Variants in APBB1IP observed in about 807,000 individuals in gnomAD.
The protein encoded by APBB1IP is amyloid beta precursor protein binding family B member 1 interacting protein.
Under a neutral mutation model 64.9 loss-of-function variants are expected in APBB1IP, and 27 were observed. The ratio of observed to expected loss-of-function variants is 0.42; its 90% confidence interval spans 0.31 to 0.57. The LOEUF (loss-of-function observed/expected upper bound fraction) is 0.57, where lower values mean the gene tolerates loss of function less well. Ranked by LOEUF, APBB1IP falls within the 20% of genes least tolerant of loss-of-function variation. The pLI, the probability that APBB1IP is intolerant of heterozygous loss-of-function variation, is 0.20. For synonymous variants in APBB1IP, 392 were observed against 331.0 expected, an observed-to-expected ratio of 1.18 and a Z score of -2.00; for missense variants, 812 against 845.5, an observed-to-expected ratio of 0.96 and a Z score of 0.49.
At chr10:26,482,220 G>T (rs189789783) in intron 2 of APBB1IP, among the ~76,000 whole-genome samples, 1 of 152,164 alleles carries the variant, frequency 6.6e-6, no homozygotes, top group African/African-American at 2.4e-5. Context: ...GGTTAAGTTG[G>T]CCCAAGAGGT....
chr10:26,442,569 A>T (rs1835349125), intron 2 of APBB1IP, among the ~76,000 whole-genome samples: 2 of 152,228 alleles, frequency 1.3e-5, no homozygotes, highest in Admixed American at 1.3e-4. Context: ...AGAGAGCTAC[A>T]TCACATCAAA....
At chr10:26,444,255 G>A (rs1417046507) in intron 2 of APBB1IP, among the ~76,000 whole-genome samples, 1 of 152,174 alleles carries the variant, frequency 6.6e-6, no homozygotes, top group Non-Finnish European at 1.5e-5. Flanking sequence ...GATGTGGTTG[G>A]AGAAGTATGA....
intron 11 of APBB1IP, among the ~76,000 whole-genome samples, chr10:26,557,986 C>A (rs1243833647): frequency 6.6e-6 from 1 of 152,088 alleles, no homozygotes; most frequent in East Asian, 1.9e-4. Context: ...TCCTTTCCTG[C>A]CAACTGAAGA....
At chr10:26,508,102 T>C (rs1836206342) in intron 6 of APBB1IP, among the ~76,000 whole-genome samples, 1 of 152,260 alleles carries the variant, frequency 6.6e-6, no homozygotes, top group Non-Finnish European at 1.5e-5. Flanking sequence ...TGGTGCAGAA[T>C]ATTAAGAAAA....
chr10:26,560,069 A>C lies in APBB1IP; in HGVS notation c.1156-36A>C, dbSNP rs750445919. On this transcript the variant is annotated intron_variant, in intron 11 of 14. Coordinates refer to ENST00000376236, the MANE Select transcript of APBB1IP (RefSeq NM_019043.4). ...GTGCTTTGACCTCCTAATACATGAC[A>C]AGTGAATACATTGTCTCGAAACTGC... The C allele has an allele frequency of 1.4e-5, 22 of 1,562,416 alleles. No homozygotes were observed. The South Asian group carries it at 2.3e-4, about 17-fold the overall frequency.
At chr10:26,484,310 T>G (rs1835867308) in intron 2 of APBB1IP, among the ~76,000 whole-genome samples, 1 of 152,108 alleles carries the variant, frequency 6.6e-6, no homozygotes, top group Non-Finnish European at 1.5e-5. Flanking sequence ...TTTTGTTTTG[T>G]TTTGTTTTGT....
intron 9 of APBB1IP, among the ~76,000 whole-genome samples, chr10:26,534,712 G>T (rs188817295): frequency 5.9e-5 from 9 of 152,332 alleles, no homozygotes; most frequent in Admixed American, 1.3e-4. Flanking sequence ...AGGTGTTGCA[G>T]GTTCTGGTGC....
In APBB1IP at chr10:26,503,239, G is replaced by A; in HGVS notation, c.496G>A (p.Ala166Thr). ...AGCCAAGGCTGATAAAATTAAGCTG[G>A]CGCTGGAAAAACTGAAGGAGGCCAA... ...AQAKADKIKL[A>T]LEKLKEAKVK... Residue 166 changes from alanine to threonine, a missense_variant, in exon 6 of 15, where the codon GCG (alanine) becomes ACG (threonine). Ala to Thr is a moderately conservative substitution (Grantham distance 58). Coordinates refer to ENST00000376236, the MANE Select transcript of APBB1IP (RefSeq NM_019043.4). The A allele has an allele frequency of 6.2e-7, 1 of 1,614,110 alleles. No homozygotes were observed.
chr10:26,471,036 G>A (rs1835709932), intron 2 of APBB1IP, among the ~76,000 whole-genome samples: 2 of 151,980 alleles, frequency 1.3e-5, no homozygotes, highest in Non-Finnish European at 2.9e-5. Context: ...TTAACTTATC[G>A]AATTCTCACC....
At chr10:26,464,443 C>T (rs1484334667) in intron 2 of APBB1IP, among the ~76,000 whole-genome samples, 1 of 152,154 alleles carries the variant, frequency 6.6e-6, no homozygotes, top group African/African-American at 2.4e-5. Flanking sequence ...CTCTGTTACC[C>T]AGGCTGGAGT....
At chr10:26,517,323 T>G (rs967022460) in intron 8 of APBB1IP, among the ~76,000 whole-genome samples, 19 of 152,240 alleles carry the variant, frequency 1.2e-4, no homozygotes, top group Non-Finnish European at 2.8e-4. Flanking sequence ...TGCAGCGGCC[T>G]TCCTCCTGGC....
At chr10:26,469,973 C>T (rs1589195715) in intron 2 of APBB1IP, among the ~76,000 whole-genome samples, 1 of 152,132 alleles carries the variant, frequency 6.6e-6, no homozygotes, top group South Asian at 2.1e-4. Context: ...CTACAACCAA[C>T]AACAACCCCA....
At chr10:26,516,543 C>CAAAAAAAAAAAAAAAA (rs71401901) in intron 8 of APBB1IP, among the ~76,000 whole-genome samples, 716 of 47,102 alleles carry the variant, frequency 0.015, 91 homozygotes, top group East Asian at 0.044. Context: ...GACTCCATCT[C>CAAAAAAAAAAAAAAAA]AAAAAAAAAA....
intron 2 of APBB1IP, among the ~76,000 whole-genome samples, chr10:26,457,104 A>T (rs1835535947): frequency 6.6e-6 from 1 of 152,170 alleles, no homozygotes; most frequent in South Asian, 2.1e-4. Flanking sequence ...TGAAAAGAGG[A>T]GTCCTTGTGT....
chr10:26,563,628 T>A (rs1010977164), intron 14 of APBB1IP, among the ~76,000 whole-genome samples: 1 of 152,220 alleles, frequency 6.6e-6, no homozygotes, highest in Non-Finnish European at 1.5e-5. Flanking sequence ...CTGTTGAATA[T>A]TTCTCTTGTG....
At chr10:26,476,062 CTT>C (rs1222190976) in intron 2 of APBB1IP, among the ~76,000 whole-genome samples, 6,401 of 140,040 alleles carry the variant, frequency 0.046, 447 homozygotes, top group African/African-American at 0.15. Flanking sequence ...TTTATAAAAA[CTT>C]TTTTTTTTTT....
Position 26,547,045 on chromosome 10 carries a change from C to G in APBB1IP, c.1155+5353C>G, listed in dbSNP as rs552846682. Among the ~76,000 whole-genome samples, 42 of 152,306 alleles carry G rather than the reference C, an allele frequency of 2.8e-4. No individual in the cohort carries two copies. In the East Asian group the frequency reaches 8.1e-3, roughly 29 times the overall value. On this transcript the variant is annotated intron_variant, in intron 11 of 14. Transcript: ENST00000376236. ...CATAAGAGTTCTTGTTTTTCCACAT[C>G]CTTGTCAGCATTTGCTATTTTTTGT...
chr10:26,506,109 C>T (rs1213409883), intron 6 of APBB1IP, among the ~76,000 whole-genome samples: 3 of 152,158 alleles, frequency 2.0e-5, no homozygotes, highest in Non-Finnish European at 2.9e-5. Flanking sequence ...TGAGTAGGTT[C>T]GCTGTGCATC....
At chr10:26,540,435 T>C (rs574177512) in intron 10 of APBB1IP, among the ~76,000 whole-genome samples, 1 of 152,228 alleles carries the variant, frequency 6.6e-6, no homozygotes, top group Admixed American at 6.5e-5. Context: ...CTATTAACTA[T>C]GGTACCTTTG....
Sources: gnomAD v4.1 joint callset for allele counts (sites outside exome capture counted in the v4.1 genomes callset) on GRCh38, gnomAD v4.1.1 for gene constraint, MANE v1.5 for transcripts, NCBI Gene and HGNC (gene_info 2026-07-23, HGNC 2026-07-21) for gene names.